The following LRRC49 variants were observed in gnomAD, a reference collection of about 807,000 sequenced individuals.
LRRC49 encodes leucine-rich repeat-containing protein 49.
A neutral mutation model predicts 83.3 loss-of-function variants in LRRC49; 50 were observed. The observed-to-expected ratio is 0.60, with a 90% CI of 0.48 to 0.76. The LOEUF (loss-of-function observed/expected upper bound fraction) is 0.76. Among genes scored for constraint, LRRC49 ranks in the 30% least tolerant of loss-of-function variants. The pLI is 0.00. For missense variants in LRRC49, 704 were observed against 809.1 expected (o/e 0.87, Z 1.58); for synonymous variants, 286 against 283.3 (o/e 1.01, Z -0.10).
chr15:71,037,655 T>C (rs2039567099), intron 15 of LRRC49, among the ~76,000 whole-genome samples: 1 of 152,154 alleles, frequency 6.6e-6, no homozygotes. Flanking sequence ...AGAAATAGGT[T>C]ATAGGCTTGC....
intron 15 of LRRC49, among the ~76,000 whole-genome samples, chr15:71,041,471 A>G (rs1266179553): frequency 2.0e-5 from 3 of 152,212 alleles, no homozygotes; most frequent in African/African-American, 2.4e-5. Context: ...CTTCCATATT[A>G]CAGATAACAA....
At position 70,892,839 on chromosome 15, in the gene LRRC49, C is replaced by G; in HGVS notation, c.-56C>G. 1 of 1,614,126 alleles carries G rather than the reference C, an allele frequency of 6.2e-7. No individual in the cohort carries two copies. The highest frequency in any genetic ancestry group is 8.5e-7 in the Non-Finnish European group (1 of 1,180,012). On this transcript the variant is annotated 5_prime_UTR_variant, in exon 1 of 16. Transcript: ENST00000260382. Reference sequence around the variant, plus strand: ...CCTCTTTCGGGTCTCTTTGAATCTCCGCTGTAGCGTCACCTGGAAGGCAGA... The same window carrying G: ...CCTCTTTCGGGTCTCTTTGAATCTCGGCTGTAGCGTCACCTGGAAGGCAGA...
At chr15:70,868,321 C>T (rs918732033) in intron 1 of LRRC49, among the ~76,000 whole-genome samples, 15 of 152,162 alleles carry the variant, frequency 9.9e-5, no homozygotes, top group African/African-American at 3.4e-4. Flanking sequence ...TTATGACATG[C>T]GCTTGGATAC....
At chr15:70,990,133 C>T (rs370991673) in intron 11 of LRRC49, among the ~76,000 whole-genome samples, 60 of 152,270 alleles carry the variant, frequency 3.9e-4, no homozygotes, top group East Asian at 1.7e-3. Context: ...TCTCCAGCTG[C>T]GTGCTGGGAG....
chr15:71,049,738 TA>T lies in LRRC49; in HGVS notation c.*127del. On this transcript the variant is annotated 3_prime_UTR_variant, in exon 16 of 16. Coordinates refer to ENST00000260382, the MANE Select transcript of LRRC49 (RefSeq NM_017691.5). The stretch of plus-strand genomic sequence containing the variant: ...ACTAGAAAGACTAGTATAAAAGCAT[TA>T]TTGCCCACTGTTCTCATAGCTAAAA... The T allele has an allele frequency of 3.2e-6, 2 of 623,888 alleles. No homozygotes were observed. The highest frequency in any genetic ancestry group is 4.3e-4 in the Middle Eastern group (1 of 2,344). 38.6% of individuals were successfully genotyped at this position (623,888 alleles called of 1,614,324 possible). A position where few individuals can be genotyped will look rare whatever the true frequency, so the allele number is the denominator to read the frequency against.
At chr15:71,013,850 T>C (rs2038740179) in intron 14 of LRRC49, among the ~76,000 whole-genome samples, 2 of 152,214 alleles carry the variant, frequency 1.3e-5, no homozygotes, top group South Asian at 4.1e-4. Flanking sequence ...GCTATGGTCA[T>C]GGAGCACTTT....
intron 14 of LRRC49, among the ~76,000 whole-genome samples, chr15:71,016,258 C>T (rs939027861): frequency 6.6e-6 from 1 of 151,812 alleles, no homozygotes; most frequent in Admixed American, 6.6e-5. Context: ...TTTAAAAATA[C>T]TTTAATGCTT....
At chr15:70,974,169 G>A (rs978963941) in intron 9 of LRRC49, among the ~76,000 whole-genome samples, 1 of 152,082 alleles carries the variant, frequency 6.6e-6, no homozygotes, top group Admixed American at 6.6e-5. Flanking sequence ...TGGTTTGTGA[G>A]TACTTAGGAA....
chr15:70,869,214 A>C (rs964557370), intron 1 of LRRC49, among the ~76,000 whole-genome samples: 4 of 152,222 alleles, frequency 2.6e-5, no homozygotes, highest in African/African-American at 9.6e-5. Flanking sequence ...TAATACATAT[A>C]TACTTCTACA....
At chr15:71,001,219 G>A (rs2038242855) in intron 11 of LRRC49, among the ~76,000 whole-genome samples, 1 of 152,068 alleles carries the variant, frequency 6.6e-6, no homozygotes, top group Non-Finnish European at 1.5e-5. Context: ...GTGGGGAGGG[G>A]TTTTCCTTCC....
intron 11 of LRRC49, among the ~76,000 whole-genome samples, chr15:70,991,800 T>C (rs766837125): frequency 6.6e-6 from 1 of 152,248 alleles, no homozygotes; most frequent in Non-Finnish European, 1.5e-5. Flanking sequence ...AAATATAATA[T>C]AGCTTTTACT....
At chr15:71,004,626 G>T (rs2038388454) in intron 11 of LRRC49, among the ~76,000 whole-genome samples, 1 of 151,244 alleles carries the variant, frequency 6.6e-6, no homozygotes, top group African/African-American at 2.4e-5. Flanking sequence ...CTCCAGCCTG[G>T]GTGACAGAGT....
intron 11 of LRRC49, among the ~76,000 whole-genome samples, chr15:71,002,177 G>A (rs1478671835): frequency 6.6e-6 from 1 of 152,008 alleles, no homozygotes; most frequent in Non-Finnish European, 1.5e-5. Context: ...TTCTTACCTA[G>A]TGTTTCGATT....
chr15:71,025,654 A>G (rs2141282428), intron 14 of LRRC49, among the ~76,000 whole-genome samples: 1 of 152,188 alleles, frequency 6.6e-6, no homozygotes, highest in African/African-American at 2.4e-5. Context: ...AAATAAAATG[A>G]AATAATAAAA....
chr15:70,871,160 C>A (rs1039605470), intron 1 of LRRC49, among the ~76,000 whole-genome samples: 2 of 151,244 alleles, frequency 1.3e-5, no homozygotes, highest in Non-Finnish European at 2.9e-5. Context: ...TGACTCTTAA[C>A]GAGTATGCTG....
chr15:71,025,771 C>A (rs1314240758), intron 14 of LRRC49, among the ~76,000 whole-genome samples: 1 of 149,514 alleles, frequency 6.7e-6, no homozygotes, highest in Non-Finnish European at 1.5e-5. Context: ...CAACACAGAT[C>A]AAAAAAGACA....
At chr15:70,931,174 T>G (rs2035392347) in intron 7 of LRRC49, among the ~76,000 whole-genome samples, 1 of 152,180 alleles carries the variant, frequency 6.6e-6, no homozygotes, top group South Asian at 2.1e-4. Flanking sequence ...TTTTTTCACT[T>G]GAGCACTTAG....
chr15:70,913,304 T>G (rs1400094441), intron 6 of LRRC49, among the ~76,000 whole-genome samples: 2 of 152,182 alleles, frequency 1.3e-5, no homozygotes, highest in Admixed American at 1.3e-4. Flanking sequence ...GCTAATGTAA[T>G]TAATAAAAAC....
At chr15:70,990,328 C>G (rs938325895) in intron 11 of LRRC49, among the ~76,000 whole-genome samples, 13 of 152,200 alleles carry the variant, frequency 8.5e-5, no homozygotes, top group African/African-American at 3.1e-4. Context: ...CTAAGCAAGC[C>G]TGGGCAATGG....
Sources: gnomAD v4.1 joint callset for allele counts (sites outside exome capture counted in the v4.1 genomes callset) on GRCh38, gnomAD v4.1.1 for gene constraint, MANE v1.5 for transcripts, NCBI Gene and HGNC (gene_info 2026-07-23, HGNC 2026-07-21) for gene names.